Variants in AMMECR1 observed in about 807,000 individuals in gnomAD.
AMMECR1 encodes AMMECR nuclear protein 1.
In AMMECR1, 3 loss-of-function variants were observed where a neutral mutation model predicts 22.5. The ratio of observed to expected loss-of-function variants is 0.13; its 90% CI spans 0.06 to 0.35. AMMECR1 has a LOEUF of 0.35. AMMECR1 is among the 10% of genes least tolerant of loss of function. The pLI, the probability that AMMECR1 is intolerant of heterozygous loss-of-function variation, is 1.00. For missense variants in AMMECR1, 235 were observed against 278.7 expected, an observed-to-expected ratio of 0.84 and a Z score of 1.12; for synonymous variants, 130 against 116.7, an observed-to-expected ratio of 1.11 and a Z score of -0.74.
intron 2 of AMMECR1, among the ~76,000 whole-genome samples, chrX:110,337,269 G>A (rs1166071507): frequency 8.9e-6 from 1 of 111,886 alleles, no homozygotes; most frequent in African/African-American, 3.2e-5. Flanking sequence ...TTTTCCTAGT[G>A]TCTGTCACAT....
At chrX:110,338,806 CCTT>C (rs1162815562) in intron 2 of AMMECR1, among the ~76,000 whole-genome samples, 7 of 111,416 alleles carry the variant, frequency 6.3e-5, no homozygotes, top group Non-Finnish European at 1.3e-4. Context: ...CAAACCATAT[CCTT>C]CTTCTTCATC....
chrX:110,351,488 G>A (rs2068211200), intron 2 of AMMECR1, among the ~76,000 whole-genome samples: 2 of 111,754 alleles, frequency 1.8e-5, no homozygotes, highest in African/African-American at 6.5e-5. Context: ...ATTTCCACGA[G>A]GAAAACAGAG....
At chrX:110,432,748 G>A (rs763388667) in intron 1 of AMMECR1, among the ~76,000 whole-genome samples, 3 of 112,161 alleles carry the variant, frequency 2.7e-5, no homozygotes, top group East Asian at 5.6e-4. Flanking sequence ...GGATATGCAA[G>A]TCCCTGCTCT....
At chrX:110,360,396 G>C (rs768729096) in intron 2 of AMMECR1, among the ~76,000 whole-genome samples, 37 of 111,870 alleles carry the variant, frequency 3.3e-4, no homozygotes, top group Non-Finnish European at 3.8e-5. Context: ...GTTTTCATAT[G>C]GGAGATTAAC....
At chrX:110,322,141 C>T (rs1296723033), upstream of AMMECR1, among the ~76,000 whole-genome samples, 3 of 112,275 alleles carry the variant, frequency 2.7e-5, no homozygotes, top group African/African-American at 9.7e-5. Flanking sequence ...AACTTGAGTA[C>T]AAACTAATTG....
At chrX:110,217,812 T>C (rs767834167) in intron 2 of AMMECR1, among the ~76,000 whole-genome samples, 82 of 111,595 alleles carry the variant, frequency 7.3e-4, no homozygotes, top group African/African-American at 2.6e-3. Context: ...CTGCTGAATT[T>C]TCTTTTTTTC....
chrX:110,222,046 C>T (rs1015850359), intron 2 of AMMECR1, among the ~76,000 whole-genome samples: 4 of 110,229 alleles, frequency 3.6e-5, no homozygotes, highest in Non-Finnish European at 3.8e-5. Flanking sequence ...GGCGATTCCT[C>T]GGGGATCTAG....
intron 2 of AMMECR1, among the ~76,000 whole-genome samples, chrX:110,323,627 T>C (rs1351437223): frequency 8.9e-6 from 1 of 112,752 alleles, no homozygotes. Context: ...TATATGGATA[T>C]ATCACATTTT....
chrX:110,383,275 T>A (rs2068433103), intron 2 of AMMECR1, among the ~76,000 whole-genome samples: 1 of 110,758 alleles, frequency 9.0e-6, no homozygotes, highest in Non-Finnish European at 1.9e-5. Context: ...CCATGGCCCA[T>A]CCCCTTTCCA....
chrX:110,325,797 CT>C (rs1227695429), intron 2 of AMMECR1, among the ~76,000 whole-genome samples: 1 of 111,441 alleles, frequency 9.0e-6, no homozygotes, highest in Non-Finnish European at 1.9e-5. Context: ...CTGTTTTAAT[CT>C]TTATTTATTT....
intron 2 of AMMECR1, among the ~76,000 whole-genome samples, chrX:110,401,579 G>C (rs2068565332): frequency 8.9e-6 from 1 of 111,804 alleles, no homozygotes; most frequent in Non-Finnish European, 1.9e-5. Context: ...TTTCTGTGTT[G>C]TGGTAAGGGG....
chrX:110,245,744 T>A (rs949497428), intron 2 of AMMECR1, among the ~76,000 whole-genome samples: 9 of 110,265 alleles, frequency 8.2e-5, no homozygotes, highest in Non-Finnish European at 1.7e-4. Flanking sequence ...AATGGCAGGA[T>A]GTGAAGCTAT....
chrX:110,385,336 G>A (rs1406954915), intron 2 of AMMECR1, among the ~76,000 whole-genome samples: 1 of 111,644 alleles, frequency 9.0e-6, no homozygotes, highest in Non-Finnish European at 1.9e-5. Context: ...CAGCTTTATT[G>A]AGATATAATT....
At position 110,349,174 on chromosome X, in the gene AMMECR1, C is replaced by T. The variant is rs537189885; in HGVS notation, c.-147-31325G>A. Among the ~76,000 whole-genome samples the T allele has an allele frequency of 8.0e-5, 9 of 112,077 alleles. No homozygotes were observed. In the South Asian group the frequency reaches 1.5e-3, roughly 18 times the overall value. ...AACCTTGAAAAGTAGGTTCTGTACCCGATTAGGTATGAAAAAACTAAATCT... is the reference window on the plus strand; with the variant it reads ...AACCTTGAAAAGTAGGTTCTGTACCTGATTAGGTATGAAAAAACTAAATCT... On this transcript the variant is annotated intron_variant, in intron 2 of 7. Transcript: ENST00000372057.
intron 2 of AMMECR1, among the ~76,000 whole-genome samples, chrX:110,342,301 AG>A (rs2068167811): frequency 9.0e-6 from 1 of 111,689 alleles, no homozygotes; most frequent in Admixed American, 9.4e-5. Flanking sequence ...CAGATGACAA[AG>A]TAATGTATAA....
intron 1 of AMMECR1, among the ~76,000 whole-genome samples, chrX:110,294,333 A>T (rs1026548097): frequency 1.8e-5 from 2 of 112,064 alleles, no homozygotes; most frequent in Non-Finnish European, 3.8e-5. Flanking sequence ...TCTAAGCTGA[A>T]ACATTTCTAA....
chrX:110,268,609 G>A (rs1171270492), intron 1 of AMMECR1, among the ~76,000 whole-genome samples: 1 of 111,740 alleles, frequency 8.9e-6, no homozygotes. Flanking sequence ...CAATGACTAC[G>A]AGAACATTCA....
chrX:110,415,065 G>T lies in AMMECR1; in HGVS notation c.-148+11593C>A, dbSNP rs775722753. 7.1e-5 allele frequency among the ~76,000 whole-genome samples: 8 copies of T among 112,082 alleles called. No individual in the cohort carries two copies. In the East Asian group the frequency reaches 2.2e-3, roughly 31 times the overall value. On this transcript the variant is annotated intron_variant, in intron 2 of 7. Transcript: ENST00000372057. ...ACAGCATTCATGTTTATCCCAGTGT[G>T]TTATAATTTCCTGCTGTCTTCTCTG... is the stretch of plus-strand genomic sequence containing the variant.
At chrX:110,214,478 TA>T (rs950703232) in intron 3 of AMMECR1, among the ~76,000 whole-genome samples, 3 of 111,304 alleles carry the variant, frequency 2.7e-5, no homozygotes, top group Admixed American at 9.5e-5. Context: ...TTAAGGGCTT[TA>T]CATCCCACTC....
Sources: allele counts gnomAD v4.1 joint callset (sites outside exome capture counted in the v4.1 genomes callset), GRCh38; gene constraint gnomAD v4.1.1; transcripts MANE v1.5; gene names NCBI Gene and HGNC (gene_info 2026-07-23, HGNC 2026-07-21).